Variants in NELL1 observed in about 807,000 individuals in gnomAD.
NELL1 encodes neural EGFL like 1.
Under a neutral mutation model 107.4 loss-of-function variants are expected in NELL1, and 76 were observed. The observed-to-expected ratio is 0.71, with a 90% CI of 0.59 to 0.86. NELL1 has a LOEUF of 0.86. Among genes scored for constraint, NELL1 ranks in the 40% least tolerant of loss-of-function variants. The pLI, the probability that NELL1 is intolerant of heterozygous loss-of-function variation, is 0.00. For synonymous variants in NELL1, 353 were observed against 341.2 expected (o/e 1.03, Z -0.38); for missense variants, 1,024 against 1,005.5 (o/e 1.02, Z -0.25).
chr11:21,412,749 A>G (rs1224484207), intron 15 of NELL1, among the ~76,000 whole-genome samples: 1 of 152,110 alleles, frequency 6.6e-6, no homozygotes, highest in Non-Finnish European at 1.5e-5. Flanking sequence ...CTATAAACTC[A>G]GTGGATAGAA....
At chr11:21,086,988 G>A (rs1854408081) in intron 12 of NELL1, among the ~76,000 whole-genome samples, 1 of 151,984 alleles carries the variant, frequency 6.6e-6, no homozygotes, top group African/African-American at 2.4e-5. Flanking sequence ...ACAGGCGTGT[G>A]TCACCACGCC....
At chr11:20,887,916 C>A (rs921373535) in intron 5 of NELL1, among the ~76,000 whole-genome samples, 11 of 152,046 alleles carry the variant, frequency 7.2e-5, no homozygotes, top group African/African-American at 2.7e-4. Flanking sequence ...CAAAAAAATG[C>A]TCAGTTAGTC....
chr11:20,732,772 CAA>C (rs1855676410), intron 2 of NELL1, among the ~76,000 whole-genome samples: 1 of 152,148 alleles, frequency 6.6e-6, no homozygotes, highest in Non-Finnish European at 1.5e-5. Flanking sequence ...CTTAGCTGTA[CAA>C]AGTTTTAAGT....
At chr11:21,535,054 C>T (rs1856100483) in intron 16 of NELL1, among the ~76,000 whole-genome samples, 1 of 152,120 alleles carries the variant, frequency 6.6e-6, no homozygotes, top group South Asian at 2.1e-4. Context: ...AATTGATGCA[C>T]ATATATGATA....
chr11:20,970,802 G>A (rs895950260), intron 12 of NELL1, among the ~76,000 whole-genome samples: 3 of 149,264 alleles, frequency 2.0e-5, no homozygotes, highest in Non-Finnish European at 4.5e-5. Context: ...TTTTTTTTTT[G>A]TGGGCCAGTA....
intron 13 of NELL1, among the ~76,000 whole-genome samples, chr11:21,141,321 AC>A (rs930332812): frequency 2.6e-5 from 4 of 152,194 alleles, no homozygotes; most frequent in Non-Finnish European, 5.9e-5. Flanking sequence ...GAAGCAAGCC[AC>A]CTTCCCTCAG....
intron 3 of NELL1, 63 bp from the exon 4 acceptor site, chr11:20,847,520 G>T: frequency 1.3e-6 from 2 of 1,521,330 alleles, no homozygotes; most frequent in Non-Finnish European, 1.8e-6. Context: ...GGGGTTGAGG[G>T]ATTGATGATG....
At chr11:20,749,279 A>G (rs1253922098) in intron 2 of NELL1, among the ~76,000 whole-genome samples, 1 of 152,034 alleles carries the variant, frequency 6.6e-6, no homozygotes, top group Non-Finnish European at 1.5e-5. Flanking sequence ...AAAAAGTTCA[A>G]TGTTTTCATA....
At chr11:20,684,054 T>TAAGCA (rs1328714934) in intron 2 of NELL1, among the ~76,000 whole-genome samples, 4 of 149,828 alleles carry the variant, frequency 2.7e-5, no homozygotes, top group African/African-American at 9.7e-5. Flanking sequence ...TACAATTACA[T>TAAGCA]GTATATATTT....
intron 15 of NELL1, among the ~76,000 whole-genome samples, chr11:21,452,364 C>CT (rs1189966912): frequency 6.6e-6 from 1 of 152,088 alleles, no homozygotes; most frequent in East Asian, 1.9e-4. Context: ...TGTCCCATTA[C>CT]TTTCTTTTGA....
At chr11:21,080,964 A>C (rs1246197386) in intron 12 of NELL1, among the ~76,000 whole-genome samples, 1 of 151,592 alleles carries the variant, frequency 6.6e-6, no homozygotes, top group Non-Finnish European at 1.5e-5. Flanking sequence ...TTCTTCTTTG[A>C]GCCTTTTTTT....
chr11:21,133,094 A>T (rs1855662075), intron 13 of NELL1, among the ~76,000 whole-genome samples: 1 of 152,092 alleles, frequency 6.6e-6, no homozygotes, highest in African/African-American at 2.4e-5. Flanking sequence ...ACCTTTCCAC[A>T]GTCAGGTCAT....
At chr11:20,865,257 G>T (rs547729012) in intron 4 of NELL1, among the ~76,000 whole-genome samples, 4 of 152,290 alleles carry the variant, frequency 2.6e-5, no homozygotes, top group South Asian at 4.2e-4. Flanking sequence ...TATGACTGAG[G>T]CTTGCTGTAA....
intron 5 of NELL1, among the ~76,000 whole-genome samples, chr11:20,902,661 A>T (rs1849903143): frequency 6.6e-6 from 1 of 152,236 alleles, no homozygotes; most frequent in Non-Finnish European, 1.5e-5. Flanking sequence ...TATATGTATA[A>T]GCATCATCAC....
intron 12 of NELL1, among the ~76,000 whole-genome samples, chr11:21,035,863 T>C (rs1229460515): frequency 6.6e-6 from 1 of 152,098 alleles, no homozygotes. Context: ...CTATTCAACA[T>C]AGTATTGGAA....
chr11:20,703,004 A>G (rs1019034764), intron 2 of NELL1, among the ~76,000 whole-genome samples: 19 of 151,556 alleles, frequency 1.3e-4, no homozygotes, highest in African/African-American at 4.6e-4. Context: ...GCTTTGGATG[A>G]TGCTGGCCTT....
chr11:21,539,821 A>C (rs1856246605), intron 16 of NELL1, among the ~76,000 whole-genome samples: 1 of 151,538 alleles, frequency 6.6e-6, no homozygotes, highest in South Asian at 2.1e-4. Flanking sequence ...CGAAAACAGG[A>C]ATGCCTGTTC....
intron 15 of NELL1, among the ~76,000 whole-genome samples, chr11:21,483,497 A>T (rs911585949): frequency 1.3e-5 from 2 of 152,090 alleles, no homozygotes; most frequent in African/African-American, 2.4e-5. Flanking sequence ...TAATATTGTC[A>T]TTGTCTGAAT....
intron 12 of NELL1, among the ~76,000 whole-genome samples, chr11:20,970,661 A>G (rs11025841): frequency 1.3e-5 from 2 of 152,080 alleles, no homozygotes; most frequent in African/African-American, 4.8e-5. Flanking sequence ...TAGGGGGATC[A>G]GCAGATACAA....
Sources: gnomAD v4.1 joint callset for allele counts (sites outside exome capture counted in the v4.1 genomes callset) on GRCh38, gnomAD v4.1.1 for gene constraint, MANE v1.5 for transcripts, NCBI Gene and HGNC (gene_info 2026-07-23, HGNC 2026-07-21) for gene names.